The following KHDRBS2 variants were observed in gnomAD, a reference collection of about 807,000 sequenced individuals.
KHDRBS2 encodes KH RNA binding domain containing, signal transduction associated 2, also known as KH domain-containing, RNA-binding, signal transduction-associated protein 2.
A neutral mutation model predicts 44.3 loss-of-function variants in KHDRBS2; 26 were observed. The ratio of observed to expected loss-of-function variants is 0.59; its 90% CI spans 0.43 to 0.81. KHDRBS2 has a LOEUF of 0.81. Among genes scored for constraint, KHDRBS2 ranks in the 40% least tolerant of loss-of-function variants. KHDRBS2 has a pLI of 0.00. For missense variants in KHDRBS2, 476 were observed against 433.1 expected (o/e 1.10, Z -0.88); for synonymous variants, 194 against 151.1 (o/e 1.28, Z -2.08).
the KHDRBS2 span, among the ~76,000 whole-genome samples, chr6:61,586,539 A>C: frequency 6.6e-6 from 1 of 152,154 alleles, no homozygotes; most frequent in Non-Finnish European, 1.5e-5. Context: ...AAAGAATCCA[A>C]CATTCTTGGC....
chr6:61,779,942 AAACTTACTATATTGT>A (rs1377603526), intron 6 of KHDRBS2, among the ~76,000 whole-genome samples: 1 of 152,088 alleles, frequency 6.6e-6, no homozygotes, highest in African/African-American at 2.4e-5. Flanking sequence ...CTGAAAAAAA[AAACTTACTATATTGT>A]AGCAATTTAT....
At position 61,908,975 on chromosome 6, in the gene KHDRBS2, T is replaced by G. The variant is rs75147351; in HGVS notation, c.484-7604A>C. Reference sequence around the variant, plus strand: ...GCTTTAAAAATGATGATTAGTTTAATCTATGGCTTTGATTTCAGACAGAAA... The same window carrying G: ...GCTTTAAAAATGATGATTAGTTTAAGCTATGGCTTTGATTTCAGACAGAAA... On this transcript the variant is annotated intron_variant, in intron 4 of 8. Coordinates refer to ENST00000281156, the MANE Select transcript of KHDRBS2 (RefSeq NM_152688.4). Among the ~76,000 whole-genome samples the G allele has an allele frequency of 4.1e-3, 620 of 152,266 alleles. 1 individual carries two copies. Among genetic ancestry groups the G allele is most frequent in the Non-Finnish European group, 6.2e-3 (421 of 68,026 alleles).
intron 4 of KHDRBS2, among the ~76,000 whole-genome samples, chr6:61,972,316 T>C (rs1239186189): frequency 6.6e-6 from 1 of 152,218 alleles, no homozygotes; most frequent in Non-Finnish European, 1.5e-5. Context: ...TTTGTTCTAA[T>C]AGATCTGTAT....
intron 2 of KHDRBS2, among the ~76,000 whole-genome samples, chr6:62,059,964 A>G (rs1188767286): frequency 6.6e-6 from 1 of 151,842 alleles, no homozygotes; most frequent in Non-Finnish European, 1.5e-5. Context: ...TGTGCAAGGT[A>G]AAGTCTAGAA....
At chr6:61,630,992 T>C in the KHDRBS2 span, among the ~76,000 whole-genome samples, 1 of 152,160 alleles carries the variant, frequency 6.6e-6, no homozygotes, top group South Asian at 2.1e-4. Context: ...CAAGTAACAC[T>C]TCGTCTTTCT....
At chr6:62,097,630 T>A (rs1258896316) in intron 2 of KHDRBS2, among the ~76,000 whole-genome samples, 1 of 152,028 alleles carries the variant, frequency 6.6e-6, no homozygotes, top group Non-Finnish European at 1.5e-5. Context: ...ACAGGTGAGG[T>A]GAGTTTCTTG....
intron 8 of KHDRBS2, among the ~76,000 whole-genome samples, chr6:61,695,430 G>A (rs1767801274): frequency 6.6e-6 from 1 of 152,110 alleles, no homozygotes. Context: ...TTCTAATGGA[G>A]GTTAGAGTAA....
At chr6:61,854,567 T>G (rs1795896827) in intron 6 of KHDRBS2, among the ~76,000 whole-genome samples, 1 of 152,120 alleles carries the variant, frequency 6.6e-6, no homozygotes, top group African/African-American at 2.4e-5. Flanking sequence ...AAATTATAAT[T>G]TCCTTCTTGT....
chr6:62,054,715 T>C (rs747786272), intron 2 of KHDRBS2, among the ~76,000 whole-genome samples: 2 of 151,994 alleles, frequency 1.3e-5, no homozygotes, highest in African/African-American at 4.8e-5. Context: ...GGTGGAAAAG[T>C]CAGGGAGCAG....
chr6:61,652,609 G>GAGTC, the KHDRBS2 span, among the ~76,000 whole-genome samples: 11 of 152,048 alleles, frequency 7.2e-5, no homozygotes, highest in African/African-American at 2.7e-4. Context: ...GGGCAACAGT[G>GAGTC]AGTCCCTGGA....
At chr6:61,638,267 C>T in the KHDRBS2 span, among the ~76,000 whole-genome samples, 2 of 151,948 alleles carry the variant, frequency 1.3e-5, no homozygotes, top group African/African-American at 4.8e-5. Flanking sequence ...TACTACAAGG[C>T]TACAGTAACC....
At chr6:62,088,202 G>A (rs1365005486) in intron 2 of KHDRBS2, among the ~76,000 whole-genome samples, 6 of 152,078 alleles carry the variant, frequency 3.9e-5, no homozygotes, top group African/African-American at 9.7e-5. Flanking sequence ...CTGTCAATTC[G>A]TCAAACTCAT....
intron 2 of KHDRBS2, among the ~76,000 whole-genome samples, chr6:62,162,174 G>A (rs1197724129): frequency 1.3e-5 from 2 of 151,886 alleles, no homozygotes; most frequent in African/African-American, 4.8e-5. Flanking sequence ...CCTTTATTAA[G>A]ATCTTTATGT....
chr6:62,062,999 A>T (rs1174213733), intron 2 of KHDRBS2, among the ~76,000 whole-genome samples: 1 of 151,388 alleles, frequency 6.6e-6, no homozygotes, highest in East Asian at 2.0e-4. Flanking sequence ...TACTACAAAC[A>T]ACTCTATGCA....
intron 4 of KHDRBS2, among the ~76,000 whole-genome samples, chr6:61,943,123 AAAAG>A (rs1212628034): frequency 3.6e-5 from 5 of 139,030 alleles, no homozygotes; most frequent in African/African-American, 7.8e-5. Flanking sequence ...AAGAAAAAAG[AAAAG>A]AAAGAAAGAA....
intron 1 of KHDRBS2, among the ~76,000 whole-genome samples, chr6:62,255,636 AC>A (rs1837266445): frequency 2.0e-5 from 3 of 151,110 alleles, no homozygotes; most frequent in Non-Finnish European, 4.4e-5. Flanking sequence ...ACACACACAC[AC>A]ACACACACAC....
At chr6:62,132,595 C>A (rs1768915967) in intron 2 of KHDRBS2, among the ~76,000 whole-genome samples, 1 of 152,122 alleles carries the variant, frequency 6.6e-6, no homozygotes, top group African/African-American at 2.4e-5. Context: ...TGGAACAAAA[C>A]AAAATATACT....
intron 2 of KHDRBS2, among the ~76,000 whole-genome samples, chr6:62,170,010 G>A (rs1373542907): frequency 6.6e-6 from 1 of 151,688 alleles, no homozygotes; most frequent in Non-Finnish European, 1.5e-5. Flanking sequence ...CCAGATAGCA[G>A]GGCAGGTGAC....
chr6:61,949,273 C>T (rs1395377512), intron 4 of KHDRBS2, among the ~76,000 whole-genome samples: 1 of 152,082 alleles, frequency 6.6e-6, no homozygotes, highest in Non-Finnish European at 1.5e-5. Flanking sequence ...TCTCAATCTG[C>T]TTTGAACTCA....
Sources: gnomAD v4.1 joint callset for allele counts (sites outside exome capture counted in the v4.1 genomes callset) on GRCh38, gnomAD v4.1.1 for gene constraint, MANE v1.5 for transcripts, NCBI Gene and HGNC (gene_info 2026-07-23, HGNC 2026-07-21) for gene names.